Variants in TNFRSF8 observed in about 807,000 individuals in gnomAD.
The protein encoded by TNFRSF8 is tumor necrosis factor receptor superfamily member 8.
Under a neutral mutation model 70.8 loss-of-function variants are expected in TNFRSF8, and 26 were observed. That is an observed-to-expected ratio of 0.37 (90% CI 0.27 to 0.51). The LOEUF is 0.51. Among genes scored for constraint, TNFRSF8 ranks in the 20% least tolerant of loss-of-function variants. The pLI is 0.94. For missense variants in TNFRSF8, 720 were observed against 807.9 expected, an observed-to-expected ratio of 0.89 and a Z score of 1.32; for synonymous variants, 356 against 339.2, an observed-to-expected ratio of 1.05 and a Z score of -0.54.
At chr1:12,069,526 G>A (rs754398682) in intron 1 of TNFRSF8, among the ~76,000 whole-genome samples, 17 of 152,130 alleles carry the variant, frequency 1.1e-4, no homozygotes, top group Non-Finnish European at 2.1e-4. Flanking sequence ...CTTCAGAAGC[G>A]CCTCTGGCAA....
rs199556801 is a variant in TNFRSF8, at chr1:12,123,790, C to T, written c.1116C>T (p.Val372=). ...KTLPIPTSAP[V]ALSSTGKPVL... ...TGCCCATCCCAACCAGCGCTCCCGT[C>T]GCTCTCTCCTCCACGGGGAAGCCCG... The change falls in exon 10 of 15, where the codon GTC becomes GTT. Residue 372 remains valine (V), a synonymous_variant. Coordinates refer to ENST00000263932, the MANE Select transcript of TNFRSF8 (RefSeq NM_001243.5). 33 of 1,576,654 alleles carry T rather than the reference C, an allele frequency of 2.1e-5. No homozygotes were observed. Among genetic ancestry groups the T allele is most frequent in the Middle Eastern group, 1.7e-4 (1 of 6,024 alleles).
In TNFRSF8 at chr1:12,138,222, C is replaced by G. The variant is rs1244360393; in HGVS notation, c.1336-7C>G. ...ACCCTGCAGCAGCACCCATTCCCGT[C>G]CCACAGCAGCTGAGGAGTGGTGCGT... On this transcript the variant is annotated splice_region_variant and splice_polypyrimidine_tract_variant and intron_variant, in intron 13 of 14. Transcript: ENST00000263932. This position sits in a 1 kb window ranked among gnomAD's most constrained non-coding sequence, Gnocchi z 5.7. 6.2e-7 allele frequency: 1 copy of G among 1,612,938 alleles called. No individual in the cohort carries two copies. Among genetic ancestry groups the G allele is most frequent in the Non-Finnish European group, 8.5e-7 (1 of 1,179,454 alleles).
At chr1:12,127,655 A>G (rs497426) in intron 12 of TNFRSF8, among the ~76,000 whole-genome samples, 50,445 of 152,202 alleles carry the variant, frequency 0.33, 11,407 homozygotes, top group African/African-American at 0.65. Flanking sequence ...ACAAGCAAGC[A>G]CTGTGGTCCC....
At position 12,063,390 on chromosome 1, in the gene TNFRSF8, A is replaced by G. The variant is rs956447742; in HGVS notation, c.-209A>G. 15 of 399,884 alleles carry G rather than the reference A, an allele frequency of 3.8e-5. No homozygotes were observed. The highest frequency in any genetic ancestry group is 8.7e-6 in the Non-Finnish European group (2 of 228,846). 24.8% of individuals were successfully genotyped at this position (399,884 alleles called of 1,614,324 possible). A position where few individuals can be genotyped will look rare whatever the true frequency, so the allele number is the denominator to read the frequency against. ...GGAACCAATTTGATACGGGAGAACT[A>G]AGGCTGAAACCTCGGAGGAACAACC... is the stretch of plus-strand genomic sequence containing the variant. On this transcript the variant is annotated 5_prime_UTR_variant, in exon 1 of 15. Transcript: ENST00000263932. This position sits in a 1 kb window ranked among gnomAD's most constrained non-coding sequence, Gnocchi z 7.2.
intron 13 of TNFRSF8, among the ~76,000 whole-genome samples, chr1:12,137,415 C>T (rs1223415912): frequency 1.3e-5 from 2 of 152,156 alleles, no homozygotes; most frequent in East Asian, 3.8e-4. Flanking sequence ...ACGGGCATCC[C>T]TGCCTCCTCT....
At chr1:12,130,778 G>A (rs1642033701) in intron 12 of TNFRSF8, among the ~76,000 whole-genome samples, 1 of 152,250 alleles carries the variant, frequency 6.6e-6, no homozygotes, top group African/African-American at 2.4e-5. Flanking sequence ...GGGGGTACCA[G>A]ACAGGCTTAC....
Position 12,113,604 on chromosome 1 carries a change from T to C in TNFRSF8, c.793+1590T>C, listed in dbSNP as rs113728129. On this transcript the variant is annotated intron_variant, in intron 7 of 14. Coordinates refer to ENST00000263932, the MANE Select transcript of TNFRSF8 (RefSeq NM_001243.5). This position sits in a 1 kb window ranked among gnomAD's most constrained non-coding sequence, Gnocchi z 4.9. ...GACAGAATGAGAGGGAGAGAGAGAG[T>C]GAGAGAGAGACAGAAAGAGGGAGAG... Among the ~76,000 whole-genome samples the C allele has an allele frequency of 0.085, 8,928 of 105,130 alleles. 312 individuals carry two copies. Among genetic ancestry groups the C allele is most frequent in the South Asian group, 0.1 (336 of 3,220 alleles). The allele number at this position is 105,130 out of a possible 152,430, so 69.0% of individuals were successfully genotyped here. A position where few individuals can be genotyped will look rare whatever the true frequency, so the allele number is the denominator to read the frequency against.
In TNFRSF8 at chr1:12,105,252, A is replaced by G. The variant is rs11569861; in HGVS notation, c.421+721A>G. Among the ~76,000 whole-genome samples, 5 of 152,048 alleles carry G rather than the reference A, an allele frequency of 3.3e-5. No individual in the cohort carries two copies. In the East Asian group the frequency reaches 9.6e-4, roughly 29 times the overall value. ...GTCCACTGAGGAGAAAAGTGCCACA[A>G]AGTGCCTGTGGTCCCTCCCCCAACC... is the stretch of plus-strand genomic sequence containing the variant. On this transcript the variant is annotated intron_variant, in intron 4 of 14. Transcript: ENST00000263932.
rs115331031 is a variant in TNFRSF8, at chr1:12,136,846, T to C, written c.1335+1233T>C. On this transcript the variant is annotated intron_variant, in intron 13 of 14. Transcript: ENST00000263932. ...CTGGAGTGACACCACACTCTAGAAT[T>C]TCCACTTTGAAAAATACTCAGTTCT... is the stretch of plus-strand genomic sequence containing the variant. Among the ~76,000 whole-genome samples the C allele has an allele frequency of 2.7e-3, 413 of 151,104 alleles. 2 individuals carry two copies. Among genetic ancestry groups the C allele is most frequent in the African/African-American group, 9.3e-3 (384 of 41,142 alleles).
Position 12,063,756 on chromosome 1 carries a change from G to C in TNFRSF8, c.63+95G>C. The C allele has an allele frequency of 8.7e-7, 1 of 1,154,836 alleles. No homozygotes were observed. The highest frequency in any genetic ancestry group is 1.1e-6 in the Non-Finnish European group (1 of 909,214). The allele number at this position is 1,154,836 out of a possible 1,614,324, so 71.5% of individuals were successfully genotyped here. ...CGCAAGGGAGGACACTCCTCACCCCGTTCCCTGCCCAGCTGGAGTGAGGGG... is the reference window on the plus strand; with the variant it reads ...CGCAAGGGAGGACACTCCTCACCCCCTTCCCTGCCCAGCTGGAGTGAGGGG... On this transcript the variant is annotated intron_variant, in intron 1 of 14. Coordinates refer to ENST00000263932, the MANE Select transcript of TNFRSF8 (RefSeq NM_001243.5). The surrounding 1 kb of genome is among the most constrained non-coding windows in gnomAD (Gnocchi z 7.2).
Position 12,104,422 on chromosome 1 carries a change from T to G in TNFRSF8, c.312T>G (p.Arg104=), listed in dbSNP as rs770018073. 66 of 1,614,140 alleles carry G rather than the reference T, an allele frequency of 4.1e-5. No individual in the cohort carries two copies. Among genetic ancestry groups the G allele is most frequent in the Non-Finnish European group, 5.4e-5 (64 of 1,180,024 alleles). The stretch of plus-strand genomic sequence containing the variant: ...CGCCGTGTGCATGGAACTCCTCCCG[T>G]GTCTGCGAATGTCGACCCGGCATGT... ...EKTPCAWNSS[R]VCECRPGMFC... Residue 104 remains arginine, a synonymous_variant, in exon 4 of 15, where the codon CGT becomes CGG. Coordinates refer to ENST00000263932, the MANE Select transcript of TNFRSF8 (RefSeq NM_001243.5).
intron 2 of TNFRSF8, among the ~76,000 whole-genome samples, chr1:12,085,119 A>AT (rs940261547): frequency 1.3e-4 from 19 of 151,390 alleles, no homozygotes; most frequent in African/African-American, 3.6e-4. Context: ...TTTTATTTTT[A>AT]TTTTTTTTGA....
intron 14 of TNFRSF8, among the ~76,000 whole-genome samples, chr1:12,139,931 C>T (rs1386950478): frequency 6.6e-6 from 1 of 152,248 alleles, no homozygotes; most frequent in Non-Finnish European, 1.5e-5. Context: ...GCCACCATGC[C>T]CAGCCTGGGC....
Position 12,115,676 on chromosome 1 carries a change from C to T in TNFRSF8, c.893C>T (p.Ala298Val), listed in dbSNP as rs778171119. The change falls in exon 8 of 15, where the codon GCC (alanine) becomes GTC (valine). Residue 298 changes from alanine (A) to valine (V), a missense_variant. Physicochemically the swap from Ala to Val is moderately conservative, Grantham distance 64 (BLOSUM62 0). Coordinates refer to ENST00000263932, the MANE Select transcript of TNFRSF8 (RefSeq NM_001243.5). ...GCCACATCAGCCACCAACTCCTGTG[C>T]CCGCTGTGTCCCCTACCCAATCTGT... Reference protein sequence around the residue: ...ICATSATNSCARCVPYPICAA... With the variant: ...ICATSATNSCVRCVPYPICAA... 16 of 1,614,064 alleles carry T rather than the reference C, an allele frequency of 9.9e-6. No homozygotes were observed. The South Asian group carries it at 1.6e-4, about 17-fold the overall frequency.
At chr1:12,129,634 G>C (rs76969201) in intron 12 of TNFRSF8, among the ~76,000 whole-genome samples, 1 of 152,120 alleles carries the variant, frequency 6.6e-6, no homozygotes, top group Non-Finnish European at 1.5e-5. Context: ...GGTTTGTCTG[G>C]TGTTTTCTCC....
rs569946768 is a variant in TNFRSF8, at chr1:12,073,750, C to T, written c.63+10089C>T. 1.5e-4 allele frequency among the ~76,000 whole-genome samples: 23 copies of T among 151,820 alleles called. No homozygotes were observed. In the East Asian group the frequency reaches 2.7e-3, roughly 18 times the overall value. The stretch of plus-strand genomic sequence containing the variant: ...CTGGGATTACAGGCGCCCACCACCA[C>T]GCCTGGCTAATTTTTATGTATTTTT... On this transcript the variant is annotated intron_variant, in intron 1 of 14. Coordinates refer to ENST00000263932, the MANE Select transcript of TNFRSF8 (RefSeq NM_001243.5).
chr1:12,101,112 A>G (rs760345545), intron 3 of TNFRSF8, among the ~76,000 whole-genome samples: 1 of 152,198 alleles, frequency 6.6e-6, no homozygotes, highest in Non-Finnish European at 1.5e-5. Flanking sequence ...TTTTGTTTTA[A>G]TAAGTAGGAG....
In TNFRSF8 at chr1:12,126,305, G is replaced by T. The variant is rs533783560; in HGVS notation, c.1309+69G>T. The stretch of plus-strand genomic sequence containing the variant: ...CACAGGGCAGCTCTGGGCCCGGGGC[G>T]TGGGCTCCAGAGACTGAACTTCTAC... On this transcript the variant is annotated intron_variant, in intron 12 of 14. Transcript: ENST00000263932. The T allele has an allele frequency of 8.9e-6, 14 of 1,575,222 alleles. No homozygotes were observed. The South Asian group carries it at 1.6e-4, about 17-fold the overall frequency.
chr1:12,121,342 C>T (rs993718051), intron 8 of TNFRSF8, among the ~76,000 whole-genome samples: 2 of 152,140 alleles, frequency 1.3e-5, no homozygotes, highest in Non-Finnish European at 1.5e-5. Context: ...TGAGAGGCGT[C>T]ACGAACACTT....
Sources: gnomAD v4.1 joint callset for allele counts (sites outside exome capture counted in the v4.1 genomes callset) on GRCh38, gnomAD v4.1.1 for gene constraint, Gnocchi (gnomAD v3.1) non-coding constraint, MANE v1.5 for transcripts, NCBI Gene and HGNC (gene_info 2026-07-23, HGNC 2026-07-21) for gene names.